DNMT3A: variants seen among roughly 807,000 people sequenced by gnomAD.
The protein encoded by DNMT3A is DNA (cytosine-5)-methyltransferase 3A.
In DNMT3A, 267 loss-of-function variants were observed where a neutral mutation model predicts 117.6. The ratio of observed to expected loss-of-function variants is 2.27; its 90% CI spans 2.05 to 2.51. The LOEUF (loss-of-function observed/expected upper bound fraction) is 2.51. DNMT3A is among the 30% of genes most tolerant of loss of function. The pLI, the probability that DNMT3A is intolerant of heterozygous loss-of-function variation, is 0.00. For synonymous variants in DNMT3A, 432 were observed against 474.8 expected, an observed-to-expected ratio of 0.91 and a Z score of 1.17; for missense variants, 1,029 against 1,260.2, an observed-to-expected ratio of 0.82 and a Z score of 2.78.
intron 2 of DNMT3A, among the ~76,000 whole-genome samples, chr2:25,310,915 C>G (rs1304107052): frequency 6.6e-6 from 1 of 152,130 alleles, no homozygotes; most frequent in Non-Finnish European, 1.5e-5. Flanking sequence ...TGAAGTTGCT[C>G]ATTTGGGGAT....
At chr2:25,328,767 T>C (rs773035181) in intron 1 of DNMT3A, 10 of 472,676 alleles carry the variant, frequency 2.1e-5, no homozygotes, top group Middle Eastern at 9.0e-4. Flanking sequence ...ACTGCGTCAG[T>C]GGAAAGGCTG....
rs928051436 is a variant in DNMT3A, at chr2:25,244,154, C to A, written c.1851+1G>T. 2.5e-6 allele frequency: 4 copies of A among 1,613,956 alleles called. No individual in the cohort carries two copies. The highest frequency in any genetic ancestry group is 1.7e-5 in the Admixed American group (1 of 60,032). On this transcript the variant is annotated splice_donor_variant, in intron 15 of 22. Coordinates refer to ENST00000321117, the MANE Select transcript of DNMT3A (RefSeq NM_022552.5). LOFTEE classifies it high-confidence loss of function. ...GACCGCGCCCCAGGCCCAGCACTCA[C>A]AAATTCCTGGTCGTGGTTATTAGCG...
At chr2:25,342,411 A>G (rs1178570038), upstream of DNMT3A, 2 of 151,132 alleles carry the variant, frequency 1.3e-5, no homozygotes, top group Non-Finnish European at 2.9e-5. The surrounding 1 kb of genome is among the most constrained non-coding windows in gnomAD (Gnocchi z 5.9). Flanking sequence ...AGCCCTCCCC[A>G]CGCTGGGCGC....
At chr2:25,239,549 G>C (rs1034225044) in intron 19 of DNMT3A, 2 of 551,066 alleles carry the variant, frequency 3.6e-6, no homozygotes. Context: ...GAGCTGAATG[G>C]TTAATGTTAA....
intron 6 of DNMT3A, chr2:25,251,939 C>T (rs886390403): frequency 2.0e-6 from 1 of 489,718 alleles, no homozygotes. Context: ...GCCGGCTGCT[C>T]TTCCTGTCCC....
In DNMT3A at chr2:25,236,758, C is replaced by T. The variant is rs2289194; in HGVS notation, c.2478+178G>A. Among the ~76,000 whole-genome samples, 385 of 152,346 alleles carry T rather than the reference C, an allele frequency of 2.5e-3. 10 individuals are homozygous for T. The East Asian group carries it at 0.044, about 17-fold the overall frequency. ...CTCACCAGGGAGGAAGGGCTGAAGG[C>T]CAGCAGCCCTGGGCCCTCCTCTGGC... On this transcript the variant is annotated intron_variant, in intron 21 of 22. Coordinates refer to ENST00000321117, the MANE Select transcript of DNMT3A (RefSeq NM_022552.5). The surrounding 1 kb of genome is among the most constrained non-coding windows in gnomAD (Gnocchi z 4.5).
In DNMT3A at chr2:25,230,809, C is replaced by A. The variant is rs62129122; in HGVS notation, c.*3470G>T. ...CCTGCAAGGGGGGGGGGGGGGGGGC[C>A]ATGACCCCTGGGGCATCTGGTCCAT... On this transcript the variant is annotated 3_prime_UTR_variant, in exon 23 of 23. Coordinates refer to ENST00000321117, the MANE Select transcript of DNMT3A (RefSeq NM_022552.5). 1 of 103,490 alleles carries A rather than the reference C, an allele frequency of 9.7e-6. No individual in the cohort carries two copies. Among genetic ancestry groups the A allele is most frequent in the Non-Finnish European group, 1.9e-5 (1 of 51,512 alleles). 6.4% of individuals were successfully genotyped at this position (103,490 alleles called of 1,614,324 possible).
In DNMT3A at chr2:25,311,245, T is replaced by A. The variant is rs1383860946; in HGVS notation, c.72+2668A>T. Among the ~76,000 whole-genome samples the A allele has an allele frequency of 1.3e-5, 2 of 152,200 alleles. No homozygotes were observed. The highest frequency in any genetic ancestry group is 2.9e-5 in the Non-Finnish European group (2 of 68,024). Reference sequence around the variant, plus strand: ...CATCTGGCTTGCCAAACAGTTCCTTTGTGCACAGTGCCCCTGGCACCTGTG... The same window carrying A: ...CATCTGGCTTGCCAAACAGTTCCTTAGTGCACAGTGCCCCTGGCACCTGTG... On this transcript the variant is annotated intron_variant, in intron 2 of 22. Coordinates refer to ENST00000321117, the MANE Select transcript of DNMT3A (RefSeq NM_022552.5). The surrounding 1 kb of genome is among the most constrained non-coding windows in gnomAD (Gnocchi z 5.2).
intron 2 of DNMT3A, among the ~76,000 whole-genome samples, chr2:25,303,858 G>A (rs1008436368): frequency 1.1e-4 from 16 of 152,248 alleles, no homozygotes; most frequent in Admixed American, 5.9e-4. Context: ...GGCTTGGGCC[G>A]TGCCCCTCAA....
At chr2:25,273,488 G>T (rs1055482970) in intron 6 of DNMT3A, among the ~76,000 whole-genome samples, 3 of 152,180 alleles carry the variant, frequency 2.0e-5, no homozygotes, top group African/African-American at 7.2e-5. Context: ...GGGTAAAGAC[G>T]AAATGAGAGC....
chr2:25,313,841 G>A (rs1037754680), intron 2 of DNMT3A, 72 bp downstream of exon 2: 100 of 1,546,334 alleles, frequency 6.5e-5, no homozygotes, highest in Admixed American at 9.8e-5. Flanking sequence ...ATGAGGAGCC[G>A]GCTGTCATCA....
chr2:25,296,654 T>C lies in DNMT3A; in HGVS notation c.177+3485A>G. 6.6e-6 allele frequency among the ~76,000 whole-genome samples: 1 copy of C among 152,168 alleles called. No homozygotes were observed. Among genetic ancestry groups the C allele is most frequent in the East Asian group, 1.9e-4 (1 of 5,194 alleles). On this transcript the variant is annotated intron_variant, in intron 3 of 22. Transcript: ENST00000321117. The surrounding 1 kb of genome is among the most constrained non-coding windows in gnomAD (Gnocchi z 4.2). ...CTCAGGAAGTGGAAAGTGTTTGTCG[T>C]GAAGGGAGCACACTGGCCTGGGCAT...
At position 25,298,164 on chromosome 2, in the gene DNMT3A, T is replaced by G. The variant is rs78240104; in HGVS notation, c.177+1975A>C. ...GGTTCAGGCAGCAGCAGTTCAAGGT[T>G]ACACAGGTGGTCAGTGGTGGAGCCA... On this transcript the variant is annotated intron_variant, in intron 3 of 22. Transcript: ENST00000321117. This position sits in a 1 kb window ranked among gnomAD's most constrained non-coding sequence, Gnocchi z 4.3. 2.6e-5 allele frequency among the ~76,000 whole-genome samples: 4 copies of G among 152,208 alleles called. No individual in the cohort carries two copies. Among genetic ancestry groups the G allele is most frequent in the Non-Finnish European group, 5.9e-5 (4 of 68,032 alleles).
At position 25,336,222 on chromosome 2, in the gene DNMT3A, G is replaced by A. The variant is rs146975093; in HGVS notation, c.-178+5604C>T. On this transcript the variant is annotated intron_variant, in intron 1 of 22. Transcript: ENST00000321117. ...CACCTCCCCTCTGGGTTGGTGGCTC[G>A]GTTCTGCCCAGCGTGTGTGTTGGGG... is the stretch of plus-strand genomic sequence containing the variant. Among the ~76,000 whole-genome samples, 11 of 152,352 alleles carry A rather than the reference G, an allele frequency of 7.2e-5. No homozygotes were observed. The East Asian group carries it at 1.7e-3, about 24-fold the overall frequency.
At chr2:25,318,565 T>C (rs995248535) in intron 1 of DNMT3A, among the ~76,000 whole-genome samples, 1 of 152,130 alleles carries the variant, frequency 6.6e-6, no homozygotes. Flanking sequence ...GAATTACAGG[T>C]GTGAGCCACC....
At chr2:25,239,305 AG>A in intron 19 of DNMT3A, 90 bp from the exon 20 acceptor site, 1 of 1,144,150 alleles carries the variant, frequency 8.7e-7, no homozygotes, top group Admixed American at 2.0e-5. Flanking sequence ...AAAGCCTCAA[AG>A]CCTCTTACTT....
At chr2:25,309,127 C>T (rs1478862120) in intron 2 of DNMT3A, among the ~76,000 whole-genome samples, 1 of 152,238 alleles carries the variant, frequency 6.6e-6, no homozygotes, top group African/African-American at 2.4e-5. Flanking sequence ...TCACCCACCC[C>T]TGGGGGGCAG....
In DNMT3A at chr2:25,275,524, G is replaced by A. The variant is rs749039200; in HGVS notation, c.468C>T (p.Thr156=). ...CCTCCATTTTCATGGATTCGATGTT[G>A]GTCTCCTTCTGTTCTTTGCCTGTGG... The part of the protein sequence containing the change: ...PAEAGKEQKE[T]NIESMKMEGS... The change falls in exon 5 of 23, where the codon ACC becomes ACT. Residue 156 remains threonine (T), a synonymous_variant. Transcript: ENST00000321117. The A allele has an allele frequency of 6.3e-7, 1 of 1,584,862 alleles. No individual in the cohort carries two copies. The highest frequency in any genetic ancestry group is 8.5e-7 in the Non-Finnish European group (1 of 1,170,560).
chr2:25,246,430 C>G, intron 10 of DNMT3A, 121 bp from the exon 11 acceptor site: 1 of 1,449,986 alleles, frequency 6.9e-7, no homozygotes. Context: ...CCTCCCAACT[C>G]TACGGTTCTA....
Sources: gnomAD v4.1 joint callset for allele counts (sites outside exome capture counted in the v4.1 genomes callset) on GRCh38, gnomAD v4.1.1 for gene constraint, Gnocchi (gnomAD v3.1) non-coding constraint, MANE v1.5 for transcripts, NCBI Gene and HGNC (gene_info 2026-07-23, HGNC 2026-07-21) for gene names.